The following TBX4 variants were observed in gnomAD, a reference collection of about 807,000 sequenced individuals.
The protein encoded by TBX4 is T-box transcription factor TBX4.
Under a neutral mutation model 54.6 loss-of-function variants are expected in TBX4, and 13 were observed. The observed-to-expected ratio is 0.24, with a 90% confidence interval of 0.15 to 0.38. TBX4 has a LOEUF of 0.38. Ranked by LOEUF, TBX4 falls within the 10% of genes least tolerant of loss-of-function variation. The pLI is 1.00. For synonymous variants in TBX4, 314 were observed against 306.7 expected (o/e 1.02, Z -0.25); for missense variants, 631 against 728.5 (o/e 0.87, Z 1.54).
rs1373866153 is a variant in TBX4, at chr17:61,465,812, C to T, written c.282-7C>T. ...ACACGCTCCGCCTCACCCCTCGGCTCCCCCAGGAGGATGTTCCCCAGCTAC... is the reference window on the plus strand; with the variant it reads ...ACACGCTCCGCCTCACCCCTCGGCTTCCCCAGGAGGATGTTCCCCAGCTAC... On this transcript the variant is annotated splice_region_variant and splice_polypyrimidine_tract_variant and intron_variant, in intron 3 of 8. Coordinates refer to ENST00000644296, the MANE Select transcript of TBX4 (RefSeq NM_001321120.2). This position sits in a 1 kb window ranked among gnomAD's most constrained non-coding sequence, Gnocchi z 4.9. 3 of 1,613,858 alleles carry T rather than the reference C, an allele frequency of 1.9e-6. No individual in the cohort carries two copies. The East Asian group carries it at 6.7e-5, about 36-fold the overall frequency.
At chr17:61,458,343 G>A (rs2060470261) in intron 3 of TBX4, among the ~76,000 whole-genome samples, 1 of 151,714 alleles carries the variant, frequency 6.6e-6, no homozygotes, top group African/African-American at 2.4e-5. Context: ...TGGGGTGGGG[G>A]CAGGAGTGTG....
intron 5 of TBX4, among the ~76,000 whole-genome samples, chr17:61,477,941 C>CAAAA (rs10617980): frequency 1.9e-4 from 17 of 88,638 alleles, no homozygotes; most frequent in South Asian, 8.2e-4. Flanking sequence ...GATTCCATCT[C>CAAAA]AAAAAAAAAA....
In TBX4 at chr17:61,483,524, G is replaced by A. The variant is rs781095471; in HGVS notation, c.*8G>A. 1.8e-5 allele frequency: 29 copies of A among 1,613,848 alleles called. No individual in the cohort carries two copies. The highest frequency in any genetic ancestry group is 1.2e-4 in the Admixed American group (7 of 59,980). On this transcript the variant is annotated 3_prime_UTR_variant, in exon 9 of 9. Coordinates refer to ENST00000644296, the MANE Select transcript of TBX4 (RefSeq NM_001321120.2). The surrounding 1 kb of genome is among the most constrained non-coding windows in gnomAD (Gnocchi z 6.6). ...AACTGGACTGACGGATGACTCTCACGTCTCCTCCATAGCCCCGGGACCGTG... is the reference window on the plus strand; with the variant it reads ...AACTGGACTGACGGATGACTCTCACATCTCCTCCATAGCCCCGGGACCGTG...
rs2060491114 is a variant in TBX4, at chr17:61,461,003, T to C, written c.281+3372T>C. 6.6e-6 allele frequency among the ~76,000 whole-genome samples: 1 copy of C among 152,248 alleles called. No individual in the cohort carries two copies. The highest frequency in any genetic ancestry group is 2.1e-4 in the South Asian group (1 of 4,836). ...GCTTCAAAGCCAATTGCCCTCACTC[T>C]GTATACAGAGCGTCAGAGCCCAGTG... is the stretch of plus-strand genomic sequence containing the variant. On this transcript the variant is annotated intron_variant, in intron 3 of 8. Transcript: ENST00000644296. The surrounding 1 kb of genome is among the most constrained non-coding windows in gnomAD (Gnocchi z 5.1).
intron 5 of TBX4, among the ~76,000 whole-genome samples, chr17:61,471,752 T>A (rs532667755): frequency 8.9e-4 from 135 of 151,956 alleles, no homozygotes; most frequent in African/African-American, 2.8e-3. Context: ...TGAGATAGAG[T>A]TTCGCTCTTG....
chr17:61,455,969 G>A (rs1226304357), intron 1 of TBX4, among the ~76,000 whole-genome samples: 1 of 152,172 alleles, frequency 6.6e-6, no homozygotes, highest in Non-Finnish European at 1.5e-5. Context: ...GGGTGAGCTG[G>A]GCCTGAGGTC....
Position 61,457,739 on chromosome 17 carries a change from T to C in TBX4, c.281+108T>C, listed in dbSNP as rs2060463614. 6.7e-6 allele frequency: 7 copies of C among 1,052,114 alleles called. 1 individual carries two copies. The highest frequency in any genetic ancestry group is 1.4e-6 in the Non-Finnish European group (1 of 702,370). The allele number at this position is 1,052,114 out of a possible 1,614,324, so 65.2% of individuals were successfully genotyped here. A position where few individuals can be genotyped will look rare whatever the true frequency, so the allele number is the denominator to read the frequency against. ...CCGGCCTGGTGGCCTGTGGGAGGCC[T>C]CTCTGCCTCCTCGGGCGTCAGTGCC... On this transcript the variant is annotated intron_variant, in intron 3 of 8. Transcript: ENST00000644296. This position sits in a 1 kb window ranked among gnomAD's most constrained non-coding sequence, Gnocchi z 8.2.
intron 5 of TBX4, among the ~76,000 whole-genome samples, chr17:61,471,974 C>A (rs1330217887): frequency 1.4e-5 from 2 of 147,120 alleles, no homozygotes; most frequent in Non-Finnish European, 3.0e-5. Flanking sequence ...AAACTCTGAC[C>A]TCAGGTGATC....
chr17:61,466,307 G>A (rs2060537401), intron 4 of TBX4, among the ~76,000 whole-genome samples: 1 of 152,160 alleles, frequency 6.6e-6, no homozygotes, highest in Non-Finnish European at 1.5e-5. Context: ...TGGGGAAGAT[G>A]GGAGCAGTTC....
chr17:61,458,151 C>T (rs772221061), intron 3 of TBX4, among the ~76,000 whole-genome samples: 17 of 151,988 alleles, frequency 1.1e-4, no homozygotes, highest in Non-Finnish European at 2.4e-4. Context: ...GAAAGCACTA[C>T]GTTGGGCTCC....
In TBX4 at chr17:61,457,575, G is replaced by A; in HGVS notation, c.225G>A (p.Glu75=). 7 of 1,614,006 alleles carry A rather than the reference G, an allele frequency of 4.3e-6. No homozygotes were observed. In the Admixed American group the frequency reaches 1.0e-4, roughly 23 times the overall value. The change falls in exon 3 of 9, where the codon GAG becomes GAA. Residue 75 remains glutamate, a synonymous_variant. Coordinates refer to ENST00000644296, the MANE Select transcript of TBX4 (RefSeq NM_001321120.2). The surrounding 1 kb of genome is among the most constrained non-coding windows in gnomAD (Gnocchi z 8.2). The part of the protein sequence containing the change: ...ENIKVGLHEK[E]LWKKFHEAGT... ...TCAAGGTGGGGCTGCATGAGAAGGA[G>A]CTCTGGAAGAAGTTCCACGAGGCGG...
rs1194532601 is a variant in TBX4, at chr17:61,476,592, C to G, written c.550-2035C>G. 6.6e-6 allele frequency among the ~76,000 whole-genome samples: 1 copy of G among 152,248 alleles called. No homozygotes were observed. The highest frequency in any genetic ancestry group is 1.9e-4 in the East Asian group (1 of 5,192). On this transcript the variant is annotated intron_variant, in intron 5 of 8. Transcript: ENST00000644296. The surrounding 1 kb of genome is among the most constrained non-coding windows in gnomAD (Gnocchi z 6.5). ...CAGCGTCCTGGAAAGGGACAGACAT[C>G]GAGGCCTCTCTGAGCGGGACCTGTG...
Position 61,471,450 on chromosome 17 carries a change from T to G in TBX4, c.549+3793T>G, listed in dbSNP as rs538889329. Among the ~76,000 whole-genome samples the G allele has an allele frequency of 2.5e-4, 38 of 152,246 alleles. 1 individual carries two copies. The highest frequency in any genetic ancestry group is 1.4e-3 in the Admixed American group (22 of 15,294). On this transcript the variant is annotated intron_variant, in intron 5 of 8. Transcript: ENST00000644296. ...ATAAATCATTGAACAAATTAAAATGTCTACAATACGACATCTCTCTCTACT... is the reference window on the plus strand; with the variant it reads ...ATAAATCATTGAACAAATTAAAATGGCTACAATACGACATCTCTCTCTACT...
chr17:61,456,754 G>A (rs1227152468), intron 2 of TBX4, 78 bp downstream of exon 2: 15 of 1,173,758 alleles, frequency 1.3e-5, no homozygotes, highest in Non-Finnish European at 1.6e-5. Flanking sequence ...CTTTCCGTCC[G>A]ATTGTCGGCA....
Position 61,474,986 on chromosome 17 carries a change from A to C in TBX4, c.550-3641A>C, listed in dbSNP as rs772189120. On this transcript the variant is annotated intron_variant, in intron 5 of 8. Coordinates refer to ENST00000644296, the MANE Select transcript of TBX4 (RefSeq NM_001321120.2). This position sits in a 1 kb window ranked among gnomAD's most constrained non-coding sequence, Gnocchi z 4.6. Reference sequence around the variant, plus strand: ...CAAAGGCCCCACTTCATAGATGGGGACCCCAATGGTTGGAGAAGGAGAAGA... The same window carrying C: ...CAAAGGCCCCACTTCATAGATGGGGCCCCCAATGGTTGGAGAAGGAGAAGA... Among the ~76,000 whole-genome samples, 11 of 152,180 alleles carry C rather than the reference A, an allele frequency of 7.2e-5. No individual in the cohort carries two copies. The highest frequency in any genetic ancestry group is 1.3e-4 in the Non-Finnish European group (9 of 68,022).
intron 1 of TBX4, chr17:61,452,793 G>T: frequency 1.8e-6 from 1 of 550,568 alleles, no homozygotes; most frequent in Non-Finnish European, 2.3e-6. Flanking sequence ...CCCAGTAGTT[G>T]GGGCACGAGC....
chr17:61,478,746 C>A lies in TBX4; in HGVS notation c.669C>A (p.Ser223=). 6.2e-7 allele frequency: 1 copy of A among 1,614,208 alleles called. No homozygotes were observed. Among genetic ancestry groups the A allele is most frequent in the South Asian group, 1.1e-5 (1 of 91,090 alleles). Residue 223 remains serine, a synonymous_variant, in exon 6 of 9, where the codon TCC becomes TCA. Coordinates refer to ENST00000644296, the MANE Select transcript of TBX4 (RefSeq NM_001321120.2). The surrounding 1 kb of genome is among the most constrained non-coding windows in gnomAD (Gnocchi z 7.4). The part of the protein sequence containing the change: ...AFCTHVFPET[S]FISVTSYQNH... ...GCACCCACGTGTTCCCAGAGACCTC[C>A]TTCATCTCTGTGACCTCCTACCAGA...
At position 61,467,588 on chromosome 17, in the gene TBX4, C is replaced by G; in HGVS notation, c.480C>G (p.His160Gln). ...VHPDSPATGA[H>Q]WMRQLVSFQK... Reference sequence around the variant, plus strand: ...CGGATTCTCCTGCCACAGGAGCCCACTGGATGCGGCAGCTGGTCTCCTTCC... The same window carrying G: ...CGGATTCTCCTGCCACAGGAGCCCAGTGGATGCGGCAGCTGGTCTCCTTCC... Residue 160 changes from histidine to glutamine, a missense_variant, in exon 5 of 9, where the codon CAC becomes CAG. Physicochemically the swap from His to Gln is conservative, Grantham distance 24 (BLOSUM62 0). Around this residue, in one of 3 missense-constraint regions of TBX4, gnomAD observed 154 missense variants for 238.6 expected, o/e 0.65. Coordinates refer to ENST00000644296, the MANE Select transcript of TBX4 (RefSeq NM_001321120.2). The G allele has an allele frequency of 6.2e-7, 1 of 1,614,228 alleles. No individual in the cohort carries two copies. The highest frequency in any genetic ancestry group is 8.5e-7 in the Non-Finnish European group (1 of 1,180,042).
intron 4 of TBX4, 107 bp downstream of exon 4, chr17:61,466,045 C>G (rs1423381305): frequency 1.3e-6 from 2 of 1,555,244 alleles, no homozygotes; most frequent in African/African-American, 2.7e-5. Flanking sequence ...AGTGACTGCC[C>G]AGGTCTGCAG....
Sources: gnomAD v4.1 joint callset for allele counts (sites outside exome capture counted in the v4.1 genomes callset) on GRCh38, gnomAD v4.1.1 for gene constraint, gnomAD v4.1.1 regional missense constraint, Gnocchi (gnomAD v3.1) non-coding constraint, MANE v1.5 for transcripts, NCBI Gene and HGNC (gene_info 2026-07-23, HGNC 2026-07-21) for gene names.